The following PTPRM variants were observed in gnomAD, a reference collection of about 807,000 sequenced individuals.
PTPRM encodes the protein protein tyrosine phosphatase receptor type M.
PTPRM carries 47 observed loss-of-function variants against 186.7 expected under a neutral mutation model. That is an observed-to-expected ratio of 0.25 (90% CI 0.20 to 0.32). The LOEUF (loss-of-function observed/expected upper bound fraction) is 0.32. Among genes scored for constraint, PTPRM ranks in the 10% least tolerant of loss-of-function variants. The pLI is 1.00. For synonymous variants in PTPRM, 668 were observed against 674.9 expected (o/e 0.99, Z 0.16); for missense variants, 1,494 against 1,865.0 (o/e 0.80, Z 3.66).
intron 4 of PTPRM, among the ~76,000 whole-genome samples, chr18:7,912,668 C>T (rs961430919): frequency 3.1e-4 from 45 of 146,826 alleles, no homozygotes; most frequent in African/African-American, 1.0e-3. Flanking sequence ...CCCGCCACCA[C>T]GCCCGGCTAA....
chr18:7,953,071 A>T (rs761538511), intron 6 of PTPRM, among the ~76,000 whole-genome samples: 1 of 152,204 alleles, frequency 6.6e-6, no homozygotes, highest in Non-Finnish European at 1.5e-5. Flanking sequence ...AGTCCTTTTG[A>T]ATGTCTGTCC....
intron 2 of PTPRM, among the ~76,000 whole-genome samples, chr18:7,832,040 A>G (rs980457105): frequency 3.3e-5 from 5 of 152,150 alleles, no homozygotes; most frequent in African/African-American, 1.2e-4. Flanking sequence ...ATGGACACTT[A>G]TGTTGCTTCC....
At chr18:7,570,899 C>T (rs1299350494) in intron 1 of PTPRM, among the ~76,000 whole-genome samples, 1 of 150,912 alleles carries the variant, frequency 6.6e-6, no homozygotes, top group African/African-American at 2.4e-5. Context: ...CCTGTGATGA[C>T]ATTGCTTACT....
chr18:7,897,697 G>T (rs764670787), intron 3 of PTPRM, among the ~76,000 whole-genome samples: 1 of 152,058 alleles, frequency 6.6e-6, no homozygotes, highest in African/African-American at 2.4e-5. Flanking sequence ...GATGATAAAG[G>T]ATAAGTACTT....
intron 2 of PTPRM, among the ~76,000 whole-genome samples, chr18:7,813,484 T>C (rs909081329): frequency 3.3e-5 from 5 of 152,178 alleles, no homozygotes; most frequent in African/African-American, 1.2e-4. Context: ...TAAGAAATAC[T>C]CAAATATTGA....
chr18:8,319,866 A>C (rs1293253737), intron 22 of PTPRM, among the ~76,000 whole-genome samples: 1 of 152,190 alleles, frequency 6.6e-6, no homozygotes, highest in Non-Finnish European at 1.5e-5. Flanking sequence ...CTGGTGGGTC[A>C]CCTTGGCTAA....
chr18:8,084,300 T>C (rs1206563322), intron 9 of PTPRM, among the ~76,000 whole-genome samples: 2 of 152,178 alleles, frequency 1.3e-5, no homozygotes, highest in Non-Finnish European at 1.5e-5. Context: ...AACTGCCTTG[T>C]TCCCTGGAGG....
At chr18:8,024,636 G>A (rs2085450274) in intron 7 of PTPRM, among the ~76,000 whole-genome samples, 1 of 142,168 alleles carries the variant, frequency 7.0e-6, no homozygotes, top group Non-Finnish European at 1.5e-5. Flanking sequence ...TCTTACATAA[G>A]ACTGTACTTT....
At chr18:8,036,799 A>G (rs768696657) in intron 7 of PTPRM, among the ~76,000 whole-genome samples, 2 of 152,148 alleles carry the variant, frequency 1.3e-5, no homozygotes, top group African/African-American at 2.4e-5. Flanking sequence ...TTGAGTGCAC[A>G]TGTAATGTGG....
intron 7 of PTPRM, among the ~76,000 whole-genome samples, chr18:7,960,480 T>TATATATACACAC (rs1300573371): frequency 2.2e-4 from 19 of 86,598 alleles, no homozygotes; most frequent in African/African-American, 7.9e-4. Flanking sequence ...TATATATATA[T>TATATATACACAC]ACACACACAC....
At chr18:8,336,933 C>T (rs944978045) in intron 22 of PTPRM, among the ~76,000 whole-genome samples, 55 of 147,604 alleles carry the variant, frequency 3.7e-4, no homozygotes, top group African/African-American at 1.4e-3. Context: ...GCCAAGATCA[C>T]GCCACTGCAC....
At chr18:7,846,881 C>A (rs1304834550) in intron 2 of PTPRM, among the ~76,000 whole-genome samples, 6 of 152,084 alleles carry the variant, frequency 3.9e-5, no homozygotes, top group African/African-American at 7.2e-5. Flanking sequence ...TGTTCTTGCC[C>A]ACCTTCTTAT....
At chr18:7,666,966 T>A (rs1261475791) in intron 1 of PTPRM, among the ~76,000 whole-genome samples, 3 of 152,170 alleles carry the variant, frequency 2.0e-5, no homozygotes, top group Non-Finnish European at 4.4e-5. Context: ...CAGGCCATGT[T>A]TCAGGTGCAC....
chr18:8,061,459 T>G (rs2088501877), intron 7 of PTPRM, among the ~76,000 whole-genome samples: 1 of 106,276 alleles, frequency 9.4e-6, no homozygotes, highest in Non-Finnish European at 2.0e-5. Context: ...CCATTTACAT[T>G]TAAAGTTAAT....
chr18:7,612,894 G>C (rs755072401), intron 1 of PTPRM, among the ~76,000 whole-genome samples: 1 of 152,182 alleles, frequency 6.6e-6, no homozygotes, highest in Non-Finnish European at 1.5e-5. Context: ...TCGAGTAGAA[G>C]GGAGGGTTCC....
intron 7 of PTPRM, among the ~76,000 whole-genome samples, chr18:8,040,067 A>T (rs1278382413): frequency 6.6e-6 from 1 of 152,204 alleles, no homozygotes; most frequent in Non-Finnish European, 1.5e-5. Flanking sequence ...TAGTCATTTT[A>T]TGAGATGGAA....
At chr18:8,364,956 C>T (rs1325868253) in intron 23 of PTPRM, 2 of 152,252 alleles carry the variant, frequency 1.3e-5, no homozygotes, top group Non-Finnish European at 2.9e-5. Flanking sequence ...GAGTTGCTGA[C>T]ACAGGAGGCA....
intron 1 of PTPRM, among the ~76,000 whole-genome samples, chr18:7,674,676 G>T (rs912589002): frequency 1.3e-5 from 2 of 152,218 alleles, no homozygotes; most frequent in Non-Finnish European, 2.9e-5. Flanking sequence ...GTGTGGAGAA[G>T]TAAGTTTTCT....
intron 5 of PTPRM, among the ~76,000 whole-genome samples, chr18:7,927,294 C>G (rs1020874743): frequency 3.9e-5 from 6 of 152,048 alleles, no homozygotes; most frequent in Non-Finnish European, 7.4e-5. Context: ...AATTGCCTGT[C>G]CCTTCTAACC....
Sources: gnomAD v4.1 joint callset for allele counts (sites outside exome capture counted in the v4.1 genomes callset) on GRCh38, gnomAD v4.1.1 for gene constraint, MANE v1.5 for transcripts, NCBI Gene and HGNC (gene_info 2026-07-23, HGNC 2026-07-21) for gene names.